Variants in BUB1B observed in about 807,000 individuals in gnomAD.
BUB1B encodes BUB1 mitotic checkpoint serine/threonine kinase B.
BUB1B carries 86 observed loss-of-function variants against 137.7 expected under a neutral mutation model. The ratio of observed to expected loss-of-function variants is 0.62; its 90% CI spans 0.52 to 0.75. The LOEUF (loss-of-function observed/expected upper bound fraction) is 0.75. Ranked by LOEUF, BUB1B falls within the 30% of genes least tolerant of loss-of-function variation. The pLI is 0.00. For missense variants in BUB1B, 1,130 were observed against 1,236.9 expected, an observed-to-expected ratio of 0.91 and a Z score of 1.30; for synonymous variants, 420 against 417.9, an observed-to-expected ratio of 1.00 and a Z score of -0.06.
intron 6 of BUB1B, 56 bp downstream of exon 6, chr15:40,183,939 G>T (rs2037328236): frequency 6.4e-7 from 1 of 1,568,344 alleles, no homozygotes; most frequent in Non-Finnish European, 8.8e-7. Context: ...GTAAAATCAT[G>T]TAAGAAGATA....
rs770968419 is a variant in BUB1B, at chr15:40,165,077, T to C, written c.60T>C (p.Asp20=). 4.3e-6 allele frequency: 7 copies of C among 1,614,110 alleles called. No homozygotes were observed. In the South Asian group the frequency reaches 7.7e-5, roughly 18 times the overall value. The stretch of plus-strand genomic sequence containing the variant: ...GTGAAGCCATGTCCCTGGAGGGAGA[T>C]GAATGGGAACTGAGTAAAGAAAATG... ...ALSEAMSLEG[D]EWELSKENVQ... Residue 20 remains aspartate, a synonymous_variant, in exon 2 of 23, where the codon GAT becomes GAC. Transcript: ENST00000287598.
rs201563260 is a variant in BUB1B, at chr15:40,200,908, A to G, written c.1518-23A>G. Reference sequence around the variant, plus strand: ...TCTTTCTGTGGGTATTGAGCACATGATTTAAAACAAGTTTCTTTACAGAGA... The same window carrying G: ...TCTTTCTGTGGGTATTGAGCACATGGTTTAAAACAAGTTTCTTTACAGAGA... On this transcript the variant is annotated intron_variant, in intron 11 of 22. Coordinates refer to ENST00000287598, the MANE Select transcript of BUB1B (RefSeq NM_001211.6). 1.3e-4 allele frequency: 207 copies of G among 1,611,838 alleles called. 1 individual carries two copies. Among genetic ancestry groups the G allele is most frequent in the Middle Eastern group, 3.3e-4 (2 of 6,054 alleles).
At chr15:40,218,699 G>A in intron 22 of BUB1B, 137 bp downstream of exon 22, 1 of 724,482 alleles carries the variant, frequency 1.4e-6, no homozygotes, top group Non-Finnish European at 2.5e-6. Context: ...GTTTTCATTA[G>A]AGTATCAGCA....
chr15:40,195,380 T>A (rs897500968), intron 8 of BUB1B, among the ~76,000 whole-genome samples: 1 of 152,216 alleles, frequency 6.6e-6, no homozygotes, highest in African/African-American at 2.4e-5. Context: ...ATCCATGCAT[T>A]GATTGATGGG....
chr15:40,189,077 C>G (rs976532920), intron 8 of BUB1B, among the ~76,000 whole-genome samples: 2 of 152,090 alleles, frequency 1.3e-5, no homozygotes, highest in Admixed American at 6.6e-5. Flanking sequence ...TAGCAACCAA[C>G]TGTTTTTTTC....
chr15:40,171,013 G>A, intron 4 of BUB1B, among the ~76,000 whole-genome samples: 1 of 152,210 alleles, frequency 6.6e-6, no homozygotes, highest in East Asian at 1.9e-4. Flanking sequence ...ATGGCTCACT[G>A]CAGTCTAAAC....
intron 5 of BUB1B, among the ~76,000 whole-genome samples, chr15:40,177,508 C>T (rs761216808): frequency 6.6e-6 from 1 of 151,986 alleles, no homozygotes; most frequent in Non-Finnish European, 1.5e-5. Context: ...TGCCTTTATA[C>T]CTTGATTTTT....
chr15:40,184,532 A>T (rs922782524), intron 6 of BUB1B, among the ~76,000 whole-genome samples: 2 of 152,196 alleles, frequency 1.3e-5, no homozygotes, highest in African/African-American at 4.8e-5. Context: ...AGGTACAGAG[A>T]ATAATAAGCT....
At chr15:40,180,547 T>G (rs1244946130) in intron 5 of BUB1B, among the ~76,000 whole-genome samples, 1 of 151,884 alleles carries the variant, frequency 6.6e-6, no homozygotes, top group Non-Finnish European at 1.5e-5. Flanking sequence ...ATTACAGGCA[T>G]GAGCCACTGT....
intron 6 of BUB1B, among the ~76,000 whole-genome samples, chr15:40,184,255 A>G (rs2037332527): frequency 6.6e-6 from 1 of 152,164 alleles, no homozygotes; most frequent in African/African-American, 2.4e-5. Context: ...TTGGGACCAG[A>G]AATTAGACTC....
intron 5 of BUB1B, 46 bp from the exon 6 acceptor site, chr15:40,183,668 A>G: frequency 1.3e-6 from 2 of 1,592,290 alleles, no homozygotes; most frequent in South Asian, 1.1e-5. Context: ...TGAGTCTGGT[A>G]AAATAGTGGT....
chr15:40,161,408 G>A (rs1193236522), intron 1 of BUB1B, among the ~76,000 whole-genome samples, 153 bp downstream of exon 1: 1 of 152,182 alleles, frequency 6.6e-6, no homozygotes, highest in Non-Finnish European at 1.5e-5. Context: ...GAATGCCGGA[G>A]GTGGAGGTGA....
intron 18 of BUB1B, among the ~76,000 whole-genome samples, chr15:40,211,935 G>C (rs1466976999): frequency 6.6e-6 from 1 of 152,074 alleles, no homozygotes; most frequent in Admixed American, 6.5e-5. Context: ...CGATTCTCCT[G>C]TCTCAGCCTC....
At position 40,213,370 on chromosome 15, in the gene BUB1B, A is replaced by G; in HGVS notation, c.2574A>G (p.Ile858Met). Residue 858 changes from isoleucine (I) to methionine (M), a missense_variant, in exon 20 of 23, where the codon ATA (isoleucine) becomes ATG (methionine). Coordinates refer to ENST00000287598, the MANE Select transcript of BUB1B (RefSeq NM_001211.6). The part of the protein sequence containing the change: ...LQHSEYITHE[I>M]TVLIIYNLLT... ...ACAGTGAATATATTACCCATGAAAT[A>G]ACAGTGTTGATTATTTATAACCTTT... 1 of 1,613,866 alleles carries G rather than the reference A, an allele frequency of 6.2e-7. No individual in the cohort carries two copies. Among genetic ancestry groups the G allele is most frequent in the South Asian group, 1.1e-5 (1 of 91,086 alleles).
At chr15:40,181,007 G>A (rs926620222) in intron 5 of BUB1B, among the ~76,000 whole-genome samples, 3 of 151,700 alleles carry the variant, frequency 2.0e-5, no homozygotes, top group Non-Finnish European at 4.4e-5. Flanking sequence ...TATACATAAT[G>A]TGTTGATTTT....
In BUB1B at chr15:40,202,391, C is replaced by A; in HGVS notation, c.1568-14C>A. Reference sequence around the variant, plus strand: ...TTTACTCCTAGAGTATGTATCTAGTCTCTCTTTCTCTAGGTCCCAGTGTAC... The same window carrying A: ...TTTACTCCTAGAGTATGTATCTAGTATCTCTTTCTCTAGGTCCCAGTGTAC... On this transcript the variant is annotated splice_polypyrimidine_tract_variant and intron_variant, in intron 12 of 22. Transcript: ENST00000287598. 2.7e-6 allele frequency: 3 copies of A among 1,102,834 alleles called. No individual in the cohort carries two copies. The highest frequency in any genetic ancestry group is 2.9e-4 in the Middle Eastern group (1 of 3,500). 68.3% of individuals were successfully genotyped at this position (1,102,834 alleles called of 1,614,324 possible).
intron 8 of BUB1B, among the ~76,000 whole-genome samples, chr15:40,194,241 A>T (rs2037472080): frequency 6.6e-6 from 1 of 151,976 alleles, no homozygotes; most frequent in African/African-American, 2.4e-5. Flanking sequence ...TTTGACTTTG[A>T]TGAACTCGTT....
intron 4 of BUB1B, among the ~76,000 whole-genome samples, chr15:40,175,975 G>A (rs966609037): frequency 2.0e-5 from 3 of 151,780 alleles, no homozygotes; most frequent in South Asian, 4.2e-4. Flanking sequence ...TAGAGACAGG[G>A]TCTCACTCTG....
At position 40,212,504 on chromosome 15, in the gene BUB1B, T is replaced by A. The variant is rs764329961; in HGVS notation, c.2391T>A (p.Ser797=). The A allele has an allele frequency of 6.2e-7, 1 of 1,611,292 alleles. No individual in the cohort carries two copies. Among genetic ancestry groups the A allele is most frequent in the East Asian group, 2.2e-5 (1 of 44,816 alleles). ...TAAAATACAATGTCTTACAGGTATC[T>A]TCTCAACCTGTCCCATGGGACTTTT... ...NSAELTVIKV[S]SQPVPWDFYI... Residue 797 remains serine, a synonymous_variant, in exon 19 of 23, where the codon TCT becomes TCA. Transcript: ENST00000287598.
Sources: allele counts gnomAD v4.1 joint callset (sites outside exome capture counted in the v4.1 genomes callset), GRCh38; gene constraint gnomAD v4.1.1; transcripts MANE v1.5; gene names NCBI Gene and HGNC (gene_info 2026-07-23, HGNC 2026-07-21).